The following CPSF2 variants were observed in gnomAD, a reference collection of about 807,000 sequenced individuals.
The protein encoded by CPSF2 is cleavage and polyadenylation specific factor 2, also known as cleavage and polyadenylation specificity factor subunit 2.
Under a neutral mutation model 84.2 loss-of-function variants are expected in CPSF2, and 51 were observed. The observed-to-expected ratio is 0.61, with a 90% CI of 0.48 to 0.77. The LOEUF (loss-of-function observed/expected upper bound fraction) is 0.77. Among genes scored for constraint, CPSF2 ranks in the 30% least tolerant of loss-of-function variants. CPSF2 has a pLI of 0.00. For synonymous variants in CPSF2, 286 were observed against 311.9 expected, an observed-to-expected ratio of 0.92 and a Z score of 0.87; for missense variants, 641 against 929.4, an observed-to-expected ratio of 0.69 and a Z score of 4.03.
chr14:92,162,876 C>T lies in CPSF2; in HGVS notation c.*1132C>T, dbSNP rs1377548040. 1 of 151,978 alleles carries T rather than the reference C, an allele frequency of 6.6e-6. No homozygotes were observed. The highest frequency in any genetic ancestry group is 1.5e-5 in the Non-Finnish European group (1 of 68,010). 9.4% of individuals were successfully genotyped at this position (151,978 alleles called of 1,614,324 possible). A position where few individuals can be genotyped will look rare whatever the true frequency, so the allele number is the denominator to read the frequency against. ...TTAATGCTTTTTTAGAATGGCAGAC[C>T]TTGATGTTTATTTCTCAAATGGTTA... On this transcript the variant is annotated 3_prime_UTR_variant, in exon 16 of 16. Transcript: ENST00000298875.
intron 1 of CPSF2, among the ~76,000 whole-genome samples, chr14:92,122,979 G>A (rs1390404969): frequency 6.6e-6 from 1 of 151,366 alleles, no homozygotes; most frequent in African/African-American, 2.4e-5. Context: ...CACCATGCCC[G>A]GCCTTGCAAC....
Position 92,142,243 on chromosome 14 carries a change from T to C in CPSF2, c.741T>C (p.Ala247=), listed in dbSNP as rs773977593. 2 of 1,613,986 alleles carry C rather than the reference T, an allele frequency of 1.2e-6. No individual in the cohort carries two copies. Among genetic ancestry groups the C allele is most frequent in the Admixed American group, 3.3e-5 (2 of 60,002 alleles). ...VDTAGRVLEL[A]QLLDQIWRTK... is the part of the protein sequence containing the mutation. ...CAGCAGGCAGAGTTTTGGAACTTGC[T>C]CAACTTCTTGATCAGATTTGGAGGA... The change falls in exon 8 of 16, where the codon GCT becomes GCC. Residue 247 remains alanine (A), a synonymous_variant. Coordinates refer to ENST00000298875, the MANE Select transcript of CPSF2 (RefSeq NM_017437.3).
In CPSF2 at chr14:92,169,749, A is replaced by G. The variant is rs1350609066; in HGVS notation, c.*8005A>G. On this transcript the variant is annotated 3_prime_UTR_variant, in exon 16 of 16. Transcript: ENST00000298875. The stretch of plus-strand genomic sequence containing the variant: ...TGTTCATTTTATCTAATTACTGCCT[A>G]TTAAGAAAAGCTTCACATTTATTTC... The G allele has an allele frequency of 6.8e-6, 1 of 147,918 alleles. No homozygotes were observed. The highest frequency in any genetic ancestry group is 1.5e-5 in the Non-Finnish European group (1 of 67,576). The allele number at this position is 147,918 out of a possible 1,614,324, so 9.2% of individuals were successfully genotyped here.
intron 2 of CPSF2, among the ~76,000 whole-genome samples, chr14:92,127,733 A>G (rs1478655636): frequency 6.6e-6 from 1 of 152,188 alleles, no homozygotes; most frequent in Non-Finnish European, 1.5e-5. Context: ...GTCTTTCAGA[A>G]GGTGAATAAG....
Position 92,134,021 on chromosome 14 carries a change from CAG to C in CPSF2, c.162_163del (p.Gln54HisfsTer2). ...ATTGTGTTCTTGTAGGCATGTTCAC[CAG>C]ATTGATGCAGTGCTGTTGTCTCACC... is the stretch of plus-strand genomic sequence containing the variant. Reference protein sequence around the residue: ...IIDSLRKHVHQIDAVLLSHPD... With the variant: ...IIDSLRKHVHXIDAVLLSHPD... On this transcript the variant is annotated frameshift_variant, in exon 4 of 16. Transcript: ENST00000298875. LOFTEE classifies it high-confidence loss of function. 3 of 1,613,902 alleles carry C rather than the reference CAG, an allele frequency of 1.9e-6. No homozygotes were observed. Among genetic ancestry groups the C allele is most frequent in the Non-Finnish European group, 2.5e-6 (3 of 1,179,952 alleles).
Position 92,122,144 on chromosome 14 carries a change from A to G in CPSF2, c.-94+16A>G, listed in dbSNP as rs2068777282. 1 of 364,970 alleles carries G rather than the reference A, an allele frequency of 2.7e-6. No individual in the cohort carries two copies. The highest frequency in any genetic ancestry group is 4.0e-5 in the Admixed American group (1 of 24,868). 22.6% of individuals were successfully genotyped at this position (364,970 alleles called of 1,614,324 possible). A position where few individuals can be genotyped will look rare whatever the true frequency, so the allele number is the denominator to read the frequency against. On this transcript the variant is annotated intron_variant, in intron 1 of 15. Transcript: ENST00000298875. ...GCCTGACGAGGCAAGTGAGGGCGGG[A>G]GAAAGGAGCGAGCCTCGGGCTGGGG...
chr14:92,128,342 G>A (rs1324190765), intron 2 of CPSF2, among the ~76,000 whole-genome samples: 2 of 152,168 alleles, frequency 1.3e-5, no homozygotes, highest in East Asian at 1.9e-4. Context: ...AATTAGCTGG[G>A]CGTGGTGGTG....
Position 92,122,965 on chromosome 14 carries a change from G to A in CPSF2, c.-94+837G>A, listed in dbSNP as rs181777746. On this transcript the variant is annotated intron_variant, in intron 1 of 15. Transcript: ENST00000298875. ...TGGCCTGTGCTGGGATTCCAGGCGTGAGCCACCATGCCCGGCCTTGCAACC... is the reference window on the plus strand; with the variant it reads ...TGGCCTGTGCTGGGATTCCAGGCGTAAGCCACCATGCCCGGCCTTGCAACC... Among the ~76,000 whole-genome samples the A allele has an allele frequency of 5.0e-4, 75 of 151,280 alleles. No homozygotes were observed. The East Asian group carries it at 6.9e-3, about 14-fold the overall frequency.
chr14:92,138,221 C>T lies in CPSF2; in HGVS notation c.546-11C>T, dbSNP rs749360808. ...GATATAAAATATTCCTCTTCTTAAA[C>T]TTTCTTATAGCCATTTAAATGGATG... On this transcript the variant is annotated splice_polypyrimidine_tract_variant and intron_variant, in intron 6 of 15. Transcript: ENST00000298875. The T allele has an allele frequency of 7.0e-7, 1 of 1,424,878 alleles. No individual in the cohort carries two copies. Among genetic ancestry groups the T allele is most frequent in the South Asian group, 1.2e-5 (1 of 81,014 alleles). The allele number at this position is 1,424,878 out of a possible 1,614,324, so 88.3% of individuals were successfully genotyped here. A position where few individuals can be genotyped will look rare whatever the true frequency, so the allele number is the denominator to read the frequency against.
Position 92,171,192 on chromosome 14 carries a change from T to TGGCACCAC in CPSF2, c.*9448_*9449insGGCACCAC, listed in dbSNP as rs2069512916. 1 of 152,176 alleles carries TGGCACCAC rather than the reference T, an allele frequency of 6.6e-6. No individual in the cohort carries two copies. The highest frequency in any genetic ancestry group is 2.1e-4 in the South Asian group (1 of 4,826). The allele number at this position is 152,176 out of a possible 1,614,324, so 9.4% of individuals were successfully genotyped here. A position where few individuals can be genotyped will look rare whatever the true frequency, so the allele number is the denominator to read the frequency against. ...CCCAGGCTACAGTGCAGTGATGAGA[T>TGGCACCAC]CATAGCCCACTGCAGCCTCAAACTC... On this transcript the variant is annotated 3_prime_UTR_variant, in exon 16 of 16. Transcript: ENST00000298875.
chr14:92,154,523 T>G, intron 10 of CPSF2, 65 bp downstream of exon 10: 1 of 1,107,434 alleles, frequency 9.0e-7, no homozygotes, highest in East Asian at 2.5e-5. Context: ...GTCCTTGACT[T>G]AAATGTTTCA....
intron 6 of CPSF2, among the ~76,000 whole-genome samples, chr14:92,136,887 A>C (rs2069007084): frequency 6.6e-6 from 1 of 152,188 alleles, no homozygotes; most frequent in Non-Finnish European, 1.5e-5. Flanking sequence ...ACTAAATAGA[A>C]ATGAAGCAAT....
rs552133177 is a variant in CPSF2, at chr14:92,143,411, T to C, written c.1140+117T>C. 8.5e-5 allele frequency: 67 copies of C among 786,766 alleles called. 1 individual carries two copies. In the Admixed American group the frequency reaches 1.2e-3, roughly 14 times the overall value. The allele number at this position is 786,766 out of a possible 1,614,324, so 48.7% of individuals were successfully genotyped here. On this transcript the variant is annotated intron_variant, in intron 9 of 15. Transcript: ENST00000298875. ...AATTGTTTTAGGATTTTTATCAGAA[T>C]TACTCTTGAGAGCCAGGAGTGGTGG...
chr14:92,135,701 A>G lies in CPSF2; in HGVS notation c.545+205A>G, dbSNP rs138383589. Reference sequence around the variant, plus strand: ...AAGACATAAGAGATTTTAAAAATTTATAGGTTAAGTATACACTCTACAAAA... The same window carrying G: ...AAGACATAAGAGATTTTAAAAATTTGTAGGTTAAGTATACACTCTACAAAA... On this transcript the variant is annotated intron_variant, in intron 6 of 15. Coordinates refer to ENST00000298875, the MANE Select transcript of CPSF2 (RefSeq NM_017437.3). Among the ~76,000 whole-genome samples, 745 of 152,358 alleles carry G rather than the reference A, an allele frequency of 4.9e-3. 5 individuals are homozygous for G. Among genetic ancestry groups the G allele is most frequent in the Non-Finnish European group, 9.1e-3 (620 of 68,026 alleles).
At position 92,161,054 on chromosome 14, in the gene CPSF2, C is replaced by T. The variant is rs754169455; in HGVS notation, c.2122-58C>T. On this transcript the variant is annotated intron_variant, in intron 14 of 15. Coordinates refer to ENST00000298875, the MANE Select transcript of CPSF2 (RefSeq NM_017437.3). The stretch of plus-strand genomic sequence containing the variant: ...ATGTAGTATTTTACTTTATTCAGTA[C>T]AGTTGTATGTCTGGTGTTTTACTTG... 29 of 1,524,706 alleles carry T rather than the reference C, an allele frequency of 1.9e-5. 1 individual carries two copies. The highest frequency in any genetic ancestry group is 1.7e-4 in the Middle Eastern group (1 of 5,792). 94.4% of individuals were successfully genotyped at this position (1,524,706 alleles called of 1,614,324 possible).
At chr14:92,145,892 C>T (rs749624769) in intron 9 of CPSF2, among the ~76,000 whole-genome samples, 6 of 152,154 alleles carry the variant, frequency 3.9e-5, no homozygotes, top group African/African-American at 4.8e-5. Context: ...ACCTTCTTAG[C>T]GATAGTTCTT....
Position 92,143,099 on chromosome 14 carries a change from T to C in CPSF2, c.945T>C (p.Ser315=), listed in dbSNP as rs781035576. Residue 315 remains serine (S), a synonymous_variant, in exon 9 of 16, where the codon TCT becomes TCC. Transcript: ENST00000298875. ...ATCTCTCTTTATGTCATGGTCTTTC[T>C]GACTTGGCCCGTGTACCTAGCCCTA... ...FRHLSLCHGL[S]DLARVPSPKV... 2.9e-5 allele frequency: 47 copies of C among 1,614,090 alleles called. No individual in the cohort carries two copies. Among genetic ancestry groups the C allele is most frequent in the Non-Finnish European group, 4.0e-5 (47 of 1,180,048 alleles).
At chr14:92,151,309 C>G (rs2069212053) in intron 9 of CPSF2, among the ~76,000 whole-genome samples, 1 of 151,988 alleles carries the variant, frequency 6.6e-6, no homozygotes, top group South Asian at 2.1e-4. Context: ...AGAAGGGTTG[C>G]TTGAACCTGG....
Position 92,159,282 on chromosome 14 carries a change from G to T in CPSF2, c.2121G>T (p.Glu707Asp). The change falls in exon 14 of 16, where the codon GAG (glutamate) becomes GAT (aspartate). Residue 707 changes from glutamate to aspartate, a missense_variant and splice_region_variant. Physicochemically the swap from Glu to Asp is conservative, Grantham distance 45. Coordinates refer to ENST00000298875, the MANE Select transcript of CPSF2 (RefSeq NM_017437.3). Reference sequence around the variant, plus strand: ...CTTTGGAACCCTTGCCACCTCATGAGGTAAAAAAAGCATGTGCTTTTTTGA... The same window carrying T: ...CTTTGGAACCCTTGCCACCTCATGATGTAAAAAAAGCATGTGCTTTTTTGA... ...IPTLEPLPPHEVPGHQSVFMN... is the reference protein window; with the variant it reads ...IPTLEPLPPHDVPGHQSVFMN... 6.4e-7 allele frequency: 1 copy of T among 1,566,916 alleles called. No homozygotes were observed. The highest frequency in any genetic ancestry group is 1.2e-5 in the South Asian group (1 of 84,134).
Sources: gnomAD v4.1 joint callset for allele counts (sites outside exome capture counted in the v4.1 genomes callset) on GRCh38, gnomAD v4.1.1 for gene constraint, MANE v1.5 for transcripts, NCBI Gene and HGNC (gene_info 2026-07-23, HGNC 2026-07-21) for gene names.